STAP1: variants seen among roughly 807,000 people sequenced by gnomAD.
The protein encoded by STAP1 is signal-transducing adaptor protein 1.
Under a neutral mutation model 37.8 loss-of-function variants are expected in STAP1, and 30 were observed. The observed-to-expected ratio is 0.79, with a 90% confidence interval of 0.59 to 1.08. STAP1 has a LOEUF of 1.08. STAP1 is among the 50% of genes least tolerant of loss of function. The pLI is 0.00. For missense variants in STAP1, 357 were observed against 349.4 expected (o/e 1.02, Z -0.17); for synonymous variants, 130 against 116.0 (o/e 1.12, Z -0.78).
intron 1 of STAP1, among the ~76,000 whole-genome samples, chr4:67,560,273 G>T (rs778702841): frequency 7.2e-5 from 11 of 152,122 alleles, no homozygotes; most frequent in Non-Finnish European, 1.3e-4. Context: ...GTGATCTTGT[G>T]CAAGTTACTC....
At chr4:67,563,516 G>C (rs950408999) in intron 1 of STAP1, among the ~76,000 whole-genome samples, 4 of 152,148 alleles carry the variant, frequency 2.6e-5, no homozygotes, top group Admixed American at 6.5e-5. Flanking sequence ...GATCAGCCTA[G>C]GCAATATAGC....
intron 8 of STAP1, among the ~76,000 whole-genome samples, chr4:67,604,863 T>G (rs1267944686): frequency 6.6e-6 from 1 of 152,208 alleles, no homozygotes; most frequent in Admixed American, 6.5e-5. Flanking sequence ...TTGGTTCAGT[T>G]TTCAAAGCTT....
At chr4:67,599,537 T>C (rs1455868106) in intron 8 of STAP1, among the ~76,000 whole-genome samples, 1 of 152,164 alleles carries the variant, frequency 6.6e-6, no homozygotes, top group Non-Finnish European at 1.5e-5. Flanking sequence ...TTAATTTCTG[T>C]GGTATCAGTT....
At chr4:67,570,008 G>A (rs1163026880) in intron 1 of STAP1, among the ~76,000 whole-genome samples, 10 of 152,148 alleles carry the variant, frequency 6.6e-5, no homozygotes, top group Non-Finnish European at 1.2e-4. Context: ...TGGGATTACA[G>A]CGTGAGCCAC....
chr4:67,598,855 C>G (rs796940265), intron 8 of STAP1, among the ~76,000 whole-genome samples: 2 of 152,206 alleles, frequency 1.3e-5, no homozygotes, highest in African/African-American at 2.4e-5. Context: ...TTGTCTAGAC[C>G]AATGTCTTGG....
chr4:67,570,807 G>A (rs1054995460), intron 1 of STAP1, among the ~76,000 whole-genome samples: 1 of 152,148 alleles, frequency 6.6e-6, no homozygotes, highest in Non-Finnish European at 1.5e-5. Flanking sequence ...GCATATGCCT[G>A]TAGTCCCAGC....
In STAP1 at chr4:67,575,571, G is replaced by A. The variant is rs1047299476; in HGVS notation, c.306+73G>A. 3.6e-6 allele frequency: 4 copies of A among 1,114,350 alleles called. No individual in the cohort carries two copies. The African/African-American group carries it at 4.8e-5, about 13-fold the overall frequency. The allele number at this position is 1,114,350 out of a possible 1,614,324, so 69.0% of individuals were successfully genotyped here. On this transcript the variant is annotated intron_variant, in intron 3 of 8. Transcript: ENST00000265404. ...ACATTCTTCACATCCAGTGGCTGAA[G>A]TAAAGAGAAATTGTAAGACAGGCTA...
At chr4:67,562,388 C>T (rs1560454280) in intron 1 of STAP1, among the ~76,000 whole-genome samples, 1 of 151,964 alleles carries the variant, frequency 6.6e-6, no homozygotes, top group South Asian at 2.1e-4. Flanking sequence ...TGCTCACACA[C>T]AGTTCTCTAT....
intron 6 of STAP1, among the ~76,000 whole-genome samples, chr4:67,589,604 C>T (rs552645585): frequency 2.0e-5 from 3 of 152,256 alleles, no homozygotes. Context: ...ATTAGTGTGT[C>T]ATTCAAGCAA....
rs187034885 is a variant in STAP1 at position 67,586,619 on chromosome 4, C to G, written c.659+2917C>G. Among the ~76,000 whole-genome samples, 136 of 152,216 alleles carry G rather than the reference C, an allele frequency of 8.9e-4. 4 individuals are homozygous for G. The highest frequency in any genetic ancestry group is 8.0e-3 in the Admixed American group (123 of 15,294). Reference sequence around the variant, plus strand: ...GTTGCAGATGTGGTGTGTGACTAAACACAATGAATTTCTGTACTTAGTGTC... The same window carrying G: ...GTTGCAGATGTGGTGTGTGACTAAAGACAATGAATTTCTGTACTTAGTGTC... On this transcript the variant is annotated intron_variant, in intron 6 of 8. Transcript: ENST00000265404.
In STAP1 at chr4:67,593,118, G is replaced by A. The variant is rs573671660; in HGVS notation, c.730-142G>A. The A allele has an allele frequency of 2.5e-4, 137 of 553,818 alleles. 1 individual carries two copies. In the South Asian group the frequency reaches 3.9e-3, roughly 16 times the overall value. The allele number at this position is 553,818 out of a possible 1,614,324, so 34.3% of individuals were successfully genotyped here. ...AATTAAAAAGGATAAATAAGACACA[G>A]GGATAGGTAAAACTATGGTCATACA... On this transcript the variant is annotated intron_variant, in intron 7 of 8. Coordinates refer to ENST00000265404, the MANE Select transcript of STAP1 (RefSeq NM_012108.4).
At chr4:67,594,125 A>T (rs1728176136) in intron 8 of STAP1, among the ~76,000 whole-genome samples, 1 of 152,190 alleles carries the variant, frequency 6.6e-6, no homozygotes, top group Non-Finnish European at 1.5e-5. Context: ...TCACTGGCAA[A>T]CTGTAAGCAG....
intron 3 of STAP1, among the ~76,000 whole-genome samples, chr4:67,575,914 C>T (rs1395237209): frequency 7.9e-5 from 12 of 152,114 alleles, no homozygotes; most frequent in Admixed American, 7.9e-4. Context: ...TCTGAACTTC[C>T]GTGTAATAGG....
rs577794854 is a variant in STAP1 at position 67,606,264 on chromosome 4, G to A, written c.827-32G>A. 8.9e-6 allele frequency: 14 copies of A among 1,581,120 alleles called. No individual in the cohort carries two copies. The South Asian group carries it at 1.2e-4, about 13-fold the overall frequency. Reference sequence around the variant, plus strand: ...CCACCGTTTTCTACAATATTGGTTCGCTAATTAAGTTTTTCTACCCACAAT... The same window carrying A: ...CCACCGTTTTCTACAATATTGGTTCACTAATTAAGTTTTTCTACCCACAAT... On this transcript the variant is annotated intron_variant, in intron 8 of 8. Transcript: ENST00000265404.
intron 2 of STAP1, 133 bp from the exon 3 acceptor site, chr4:67,575,252 G>T: frequency 1.7e-6 from 1 of 577,354 alleles, no homozygotes. Flanking sequence ...ATGTCCTCTG[G>T]GATTAGGAAA....
rs1560458250 is a variant in STAP1, at chr4:67,572,743, C to T, written c.192+1588C>T. ...TAAGGACCTAAGAGAGTAGCTGGCA[C>T]ATAGTAAGCATTCAGGCATTTTACA... is the stretch of plus-strand genomic sequence containing the variant. On this transcript the variant is annotated intron_variant, in intron 2 of 8. Transcript: ENST00000265404. Among the ~76,000 whole-genome samples, 4 of 152,330 alleles carry T rather than the reference C, an allele frequency of 2.6e-5. No homozygotes were observed. The South Asian group carries it at 8.3e-4, about 32-fold the overall frequency.
chr4:67,572,336 T>G (rs1333601979), intron 2 of STAP1, among the ~76,000 whole-genome samples: 2 of 152,196 alleles, frequency 1.3e-5, no homozygotes, highest in Non-Finnish European at 2.9e-5. Context: ...GTTAAAACAG[T>G]GTTCATTACC....
intron 1 of STAP1, among the ~76,000 whole-genome samples, chr4:67,560,237 T>A (rs917184755): frequency 1.1e-4 from 16 of 152,268 alleles, no homozygotes; most frequent in African/African-American, 3.6e-4. Flanking sequence ...GTGTCCTTTA[T>A]CTGATGGTTT....
At chr4:67,592,502 GA>G (rs1728140970) in intron 7 of STAP1, among the ~76,000 whole-genome samples, 1 of 152,048 alleles carries the variant, frequency 6.6e-6, no homozygotes, top group Admixed American at 6.6e-5. Flanking sequence ...GCTAACTTAA[GA>G]AAAAATAAAT....
Sources: allele counts gnomAD v4.1 joint callset (sites outside exome capture counted in the v4.1 genomes callset), GRCh38; gene constraint gnomAD v4.1.1; transcripts MANE v1.5; gene names NCBI Gene and HGNC (gene_info 2026-07-23, HGNC 2026-07-21).